The following FAM107B variants were observed in gnomAD, a reference collection of about 807,000 sequenced individuals.
FAM107B encodes the protein protein FAM107B.
A neutral mutation model predicts 31.5 loss-of-function variants in FAM107B; 21 were observed. The observed-to-expected ratio is 0.67, with a 90% CI of 0.47 to 0.96. FAM107B has a LOEUF of 0.96. Among genes scored for constraint, FAM107B ranks in the 40% least tolerant of loss-of-function variants. FAM107B has a pLI of 0.00. For missense variants in FAM107B, 452 were observed against 377.1 expected, an observed-to-expected ratio of 1.20 and a Z score of -1.64; for synonymous variants, 157 against 141.5, an observed-to-expected ratio of 1.11 and a Z score of -0.78.
chr10:14,757,225 G>A (rs533494265), intron 1 of FAM107B, among the ~76,000 whole-genome samples: 8 of 152,002 alleles, frequency 5.3e-5, no homozygotes, highest in African/African-American at 1.9e-4. Context: ...AGTTGCTCTA[G>A]GGTTGGGAAT....
chr10:14,621,589 T>C (rs4750541), intron 2 of FAM107B, among the ~76,000 whole-genome samples: 148,093 of 152,324 alleles, frequency 0.97, 72,141 homozygotes, highest in Middle Eastern at 1. Flanking sequence ...GAAACTAATT[T>C]TTACCTTAGT....
chr10:14,664,221 G>C (rs148746073), intron 2 of FAM107B, among the ~76,000 whole-genome samples: 1 of 152,138 alleles, frequency 6.6e-6, no homozygotes, highest in Non-Finnish European at 1.5e-5. Flanking sequence ...CTCTGTGAAG[G>C]CAAGACTTCC....
chr10:14,752,296 G>A (rs1157913669), intron 1 of FAM107B, among the ~76,000 whole-genome samples: 1 of 152,188 alleles, frequency 6.6e-6, no homozygotes, highest in Non-Finnish European at 1.5e-5. Context: ...CCTCTTTGCA[G>A]TGTGATCATC....
chr10:14,709,675 A>G (rs1275275401), intron 1 of FAM107B, among the ~76,000 whole-genome samples: 1 of 152,238 alleles, frequency 6.6e-6, no homozygotes, highest in Non-Finnish European at 1.5e-5. Flanking sequence ...CAACCAAGAT[A>G]TCCTTCAATA....
At chr10:14,705,752 C>G (rs1020615940) in intron 1 of FAM107B, among the ~76,000 whole-genome samples, 1 of 152,018 alleles carries the variant, frequency 6.6e-6, no homozygotes, top group African/African-American at 2.4e-5. Context: ...TACAGAGATT[C>G]AGTTTTTTGC....
intron 1 of FAM107B, among the ~76,000 whole-genome samples, chr10:14,719,920 T>C (rs1052578967): frequency 2.6e-5 from 4 of 152,192 alleles, no homozygotes; most frequent in African/African-American, 7.2e-5. Context: ...CTGTGTTAGA[T>C]TCTGCTGTTA....
At chr10:14,696,548 T>TG (rs1400098752) in intron 1 of FAM107B, among the ~76,000 whole-genome samples, 1 of 151,432 alleles carries the variant, frequency 6.6e-6, no homozygotes, top group African/African-American at 2.4e-5. Flanking sequence ...GGGGAGGTGG[T>TG]GGGGGGTAAA....
chr10:14,639,215 T>A (rs1198676951), intron 2 of FAM107B, among the ~76,000 whole-genome samples: 3 of 151,970 alleles, frequency 2.0e-5, no homozygotes, highest in Non-Finnish European at 4.4e-5. Context: ...TAATAATAAT[T>A]GTACCTACCT....
At chr10:14,766,041 T>C (rs7906574) in intron 1 of FAM107B, among the ~76,000 whole-genome samples, 2,890 of 152,290 alleles carry the variant, frequency 0.019, 89 homozygotes, top group African/African-American at 0.064. Context: ...CCCCCAAGTC[T>C]TGGCTTCTAG....
chr10:14,565,982 C>G (rs1378954944), intron 2 of FAM107B, among the ~76,000 whole-genome samples: 3 of 152,246 alleles, frequency 2.0e-5, no homozygotes, highest in Non-Finnish European at 2.9e-5. Flanking sequence ...TAAGGCCTCT[C>G]TGCAGCACTG....
At chr10:14,553,723 A>G (rs1205565026) in intron 2 of FAM107B, among the ~76,000 whole-genome samples, 1 of 152,244 alleles carries the variant, frequency 6.6e-6, no homozygotes, top group African/African-American at 2.4e-5. Context: ...CAGCTCTGCC[A>G]CATATCAGCT....
At chr10:14,565,468 G>A (rs928231650) in intron 2 of FAM107B, among the ~76,000 whole-genome samples, 10 of 152,170 alleles carry the variant, frequency 6.6e-5, no homozygotes, top group African/African-American at 2.4e-4. Flanking sequence ...ACTCCCCGGG[G>A]AAAGAATGAG....
At chr10:14,695,959 A>T (rs1855255086) in intron 1 of FAM107B, among the ~76,000 whole-genome samples, 2 of 152,126 alleles carry the variant, frequency 1.3e-5, no homozygotes, top group African/African-American at 4.8e-5. Context: ...TCTAATTCGG[A>T]TGCCTTTTCT....
chr10:14,709,499 A>G (rs532778580), intron 1 of FAM107B, among the ~76,000 whole-genome samples: 76 of 152,320 alleles, frequency 5.0e-4, no homozygotes, highest in South Asian at 1.2e-3. Flanking sequence ...AGATCTTGTG[A>G]GACTTATTCA....
chr10:14,694,012 C>G (rs1855207280), intron 1 of FAM107B, among the ~76,000 whole-genome samples: 1 of 152,160 alleles, frequency 6.6e-6, no homozygotes, highest in South Asian at 2.1e-4. Context: ...TAGCATATTG[C>G]TCTCCGGGTT....
chr10:14,568,804 G>GT (rs1850934278), intron 2 of FAM107B, among the ~76,000 whole-genome samples: 1 of 151,630 alleles, frequency 6.6e-6, no homozygotes, highest in Admixed American at 6.6e-5. Context: ...GGGAGAGAGG[G>GT]TGGGGTGGAA....
intron 2 of FAM107B, among the ~76,000 whole-genome samples, chr10:14,533,904 C>T (rs960819241): frequency 5.9e-5 from 9 of 152,146 alleles, no homozygotes; most frequent in African/African-American, 1.7e-4. Flanking sequence ...ATTAGAGAGA[C>T]ACGGGCACTG....
At chr10:14,628,244 G>A (rs1853226783) in intron 2 of FAM107B, among the ~76,000 whole-genome samples, 3 of 150,594 alleles carry the variant, frequency 2.0e-5, no homozygotes, top group Non-Finnish European at 4.4e-5. Context: ...AGGCTCCCAA[G>A]TAGCTGGGAT....
At chr10:14,628,330 C>G (rs1401028156) in intron 2 of FAM107B, among the ~76,000 whole-genome samples, 1 of 151,930 alleles carries the variant, frequency 6.6e-6, no homozygotes, top group East Asian at 1.9e-4. Context: ...TATGGCCAGG[C>G]TAGTCTCAAA....
Sources: gnomAD v4.1 joint callset for allele counts (sites outside exome capture counted in the v4.1 genomes callset) on GRCh38, gnomAD v4.1.1 for gene constraint, MANE v1.5 for transcripts, NCBI Gene and HGNC (gene_info 2026-07-23, HGNC 2026-07-21) for gene names.